The following SV2B variants were observed in gnomAD, a reference collection of about 807,000 sequenced individuals.
SV2B encodes the protein synaptic vesicle glycoprotein 2B, also known as solute carrier family 22 member B2.
Under a neutral mutation model 73.9 loss-of-function variants are expected in SV2B, and 41 were observed. That is an observed-to-expected ratio of 0.56 (90% CI 0.43 to 0.72). The LOEUF is 0.72. SV2B is among the 30% of genes least tolerant of loss of function. The pLI is 0.00. For missense variants in SV2B, 764 were observed against 857.8 expected, an observed-to-expected ratio of 0.89 and a Z score of 1.37; for synonymous variants, 314 against 314.2, an observed-to-expected ratio of 1.00 and a Z score of 0.01.
intron 2 of SV2B, among the ~76,000 whole-genome samples, chr15:91,230,103 T>C (rs1005824590): frequency 6.6e-6 from 1 of 151,888 alleles, no homozygotes; most frequent in African/African-American, 2.4e-5. Flanking sequence ...TAGCCAGATA[T>C]GGTGGTGCAT....
At chr15:91,191,490 T>C (rs2141352991) in intron 1 of SV2B, among the ~76,000 whole-genome samples, 1 of 152,226 alleles carries the variant, frequency 6.6e-6, no homozygotes, top group South Asian at 2.1e-4. Flanking sequence ...AGCAAAAATC[T>C]CTCTACTCTT....
chr15:91,125,648 G>A lies in SV2B; in HGVS notation c.-392+25285G>A, dbSNP rs573632141. 1.3e-4 allele frequency among the ~76,000 whole-genome samples: 19 copies of A among 151,870 alleles called. No individual in the cohort carries two copies. The East Asian group carries it at 2.5e-3, about 20-fold the overall frequency. On this transcript the variant is annotated intron_variant, in intron 1 of 12. Transcript: ENST00000394232. Reference sequence around the variant, plus strand: ...AAATTAGCCAGTCATGGTGGTGCACGCCTGTAGTCCCAGCTACTTGGGAGG... The same window carrying A: ...AAATTAGCCAGTCATGGTGGTGCACACCTGTAGTCCCAGCTACTTGGGAGG...
chr15:91,287,703 C>G (rs1009243988), intron 11 of SV2B, among the ~76,000 whole-genome samples: 1 of 152,314 alleles, frequency 6.6e-6, no homozygotes, highest in South Asian at 2.1e-4. Context: ...GGACTGCATA[C>G]TTAGATTCCT....
chr15:91,248,487 G>A (rs2047345222), intron 2 of SV2B, among the ~76,000 whole-genome samples: 2 of 152,148 alleles, frequency 1.3e-5, no homozygotes, highest in East Asian at 3.8e-4. Flanking sequence ...TAATGAATGG[G>A]AAGGCAACTT....
rs1486727296 is a variant in SV2B at position 91,176,494 on chromosome 15, T to C, written c.-391-49379T>C. Among the ~76,000 whole-genome samples the C allele has an allele frequency of 1.4e-4, 21 of 152,312 alleles. 1 individual carries two copies. In the East Asian group the frequency reaches 3.9e-3, roughly 28 times the overall value. ...GACTTCCACAAGGGTTGAACTAGTT[T>C]ACAGTCCCACCAACAGTGTAAAAGT... On this transcript the variant is annotated intron_variant, in intron 1 of 12. Coordinates refer to ENST00000394232, the MANE Select transcript of SV2B (RefSeq NM_001323032.3).
intron 1 of SV2B, among the ~76,000 whole-genome samples, chr15:91,146,399 C>G (rs181136707): frequency 3.9e-5 from 6 of 152,178 alleles, no homozygotes; most frequent in Admixed American, 2.6e-4. Flanking sequence ...TGGCTTTGTT[C>G]TTTTTGCTTA....
chr15:91,099,794 C>G (rs955407725), upstream of SV2B, among the ~76,000 whole-genome samples: 1 of 152,138 alleles, frequency 6.6e-6, no homozygotes, highest in Non-Finnish European at 1.5e-5. Context: ...GATTCCCCTT[C>G]CCGGGAACTT....
At position 91,140,566 on chromosome 15, in the gene SV2B, C is replaced by T. The variant is rs1404385790; in HGVS notation, c.-392+40203C>T. On this transcript the variant is annotated intron_variant, in intron 1 of 12. Coordinates refer to ENST00000394232, the MANE Select transcript of SV2B (RefSeq NM_001323032.3). This position sits in a 1 kb window ranked among gnomAD's most constrained non-coding sequence, Gnocchi z 4.4. ...ACTAGCTCATTCATTAGGTCTGCTT[C>T]CATTTAACCCGAGGCCTGAGGAGTA... is the stretch of plus-strand genomic sequence containing the variant. 1.3e-5 allele frequency among the ~76,000 whole-genome samples: 2 copies of T among 152,188 alleles called. No individual in the cohort carries two copies. The highest frequency in any genetic ancestry group is 2.9e-5 in the Non-Finnish European group (2 of 68,030).
intron 4 of SV2B, among the ~76,000 whole-genome samples, chr15:91,256,422 GA>G (rs2047692338): frequency 6.6e-6 from 1 of 152,144 alleles, no homozygotes; most frequent in South Asian, 2.1e-4. Context: ...TTTTGAAGCA[GA>G]ATACTTTATA....
chr15:91,203,091 G>A (rs2045517383), intron 1 of SV2B, among the ~76,000 whole-genome samples: 1 of 152,202 alleles, frequency 6.6e-6, no homozygotes, highest in Non-Finnish European at 1.5e-5. Flanking sequence ...TTAGGTGCCT[G>A]CCTAAGAACC....
At position 91,139,347 on chromosome 15, in the gene SV2B, TA is replaced by T. The variant is rs34370427; in HGVS notation, c.-392+38993del. On this transcript the variant is annotated intron_variant, in intron 1 of 12. Coordinates refer to ENST00000394232, the MANE Select transcript of SV2B (RefSeq NM_001323032.3). The surrounding 1 kb of genome is among the most constrained non-coding windows in gnomAD (Gnocchi z 5.2). ...CTTGCAAATTTCCACAATAAAATGT[TA>T]AAAAAAAAGAAGTAAGGGAAACTTC... 2.0e-5 allele frequency among the ~76,000 whole-genome samples: 3 copies of T among 150,724 alleles called. No individual in the cohort carries two copies. Among genetic ancestry groups the T allele is most frequent in the East Asian group, 1.9e-4 (1 of 5,176 alleles).
intron 1 of SV2B, among the ~76,000 whole-genome samples, chr15:91,103,733 G>A (rs527384674): frequency 6.0e-4 from 91 of 152,330 alleles, no homozygotes; most frequent in African/African-American, 1.6e-3. Context: ...AAGTTTCTGT[G>A]AAATAGAATG....
chr15:91,273,770 T>C (rs1254222828), intron 9 of SV2B, among the ~76,000 whole-genome samples: 1 of 152,200 alleles, frequency 6.6e-6, no homozygotes, highest in East Asian at 1.9e-4. Flanking sequence ...GATGTCAAAA[T>C]TGATGAAGCA....
intron 1 of SV2B, among the ~76,000 whole-genome samples, chr15:91,152,254 G>A (rs1230541982): frequency 6.6e-6 from 1 of 152,114 alleles, no homozygotes; most frequent in Non-Finnish European, 1.5e-5. Flanking sequence ...CAGAACTTGT[G>A]AATAGATTTT....
intron 1 of SV2B, among the ~76,000 whole-genome samples, chr15:91,133,222 C>G (rs1047144692): frequency 6.6e-6 from 1 of 152,128 alleles, no homozygotes; most frequent in African/African-American, 2.4e-5. Flanking sequence ...CAGACTGGGT[C>G]TCGGGGCTAA....
chr15:91,209,114 G>GTTTTTTTTTTTTTTTTT (rs903531189), intron 1 of SV2B, among the ~76,000 whole-genome samples: 2 of 90,020 alleles, frequency 2.2e-5, no homozygotes, highest in African/African-American at 6.2e-5. Context: ...ACTGTTTTTT[G>GTTTTTTTTTTTTTTTTT]TTTTTTTTTT....
intron 11 of SV2B, among the ~76,000 whole-genome samples, chr15:91,287,770 G>A (rs1000182259): frequency 1.3e-5 from 2 of 152,230 alleles, no homozygotes; most frequent in African/African-American, 4.8e-5. Context: ...TACTCATAGA[G>A]CTTTTAGAGG....
In SV2B at chr15:91,100,959, C is replaced by A. The variant is rs911256325; in HGVS notation, c.-392+596C>A. ...TTTTGCAGGGATGGGCTAGCAAATGCGTTTAGCCAGGGAGGAGCAAGGCAC... is the reference window on the plus strand; with the variant it reads ...TTTTGCAGGGATGGGCTAGCAAATGAGTTTAGCCAGGGAGGAGCAAGGCAC... On this transcript the variant is annotated intron_variant, in intron 1 of 12. Coordinates refer to ENST00000394232, the MANE Select transcript of SV2B (RefSeq NM_001323032.3). This position sits in a 1 kb window ranked among gnomAD's most constrained non-coding sequence, Gnocchi z 6.4. Among the ~76,000 whole-genome samples the A allele has an allele frequency of 2.0e-5, 3 of 152,290 alleles. No homozygotes were observed. Among genetic ancestry groups the A allele is most frequent in the Non-Finnish European group, 4.4e-5 (3 of 68,020 alleles).
At position 91,239,019 on chromosome 15, in the gene SV2B, T is replaced by C. The variant is rs1219169133; in HGVS notation, c.451+12305T>C. Among the ~76,000 whole-genome samples the C allele has an allele frequency of 3.3e-5, 5 of 152,172 alleles. No individual in the cohort carries two copies. Among genetic ancestry groups the C allele is most frequent in the African/African-American group, 7.2e-5 (3 of 41,430 alleles). On this transcript the variant is annotated intron_variant, in intron 2 of 12. Coordinates refer to ENST00000394232, the MANE Select transcript of SV2B (RefSeq NM_001323032.3). The surrounding 1 kb of genome is among the most constrained non-coding windows in gnomAD (Gnocchi z 5.1). ...CTAGCTCAGATGAACTGATTTTCAC[T>C]TTGCAAAGGTTTGATTTTAATTTCA...
Sources: allele counts gnomAD v4.1 joint callset (sites outside exome capture counted in the v4.1 genomes callset), GRCh38; gene constraint gnomAD v4.1.1; non-coding constraint Gnocchi (gnomAD v3.1); transcripts MANE v1.5; gene names NCBI Gene and HGNC (gene_info 2026-07-23, HGNC 2026-07-21).